Variants in MGAT4C observed in about 807,000 individuals in gnomAD.
MGAT4C encodes the protein alpha-1,3-mannosyl-glycoprotein 4-beta-N-acetylglucosaminyltransferase C.
A neutral mutation model predicts 40.1 loss-of-function variants in MGAT4C; 19 were observed. The ratio of observed to expected loss-of-function variants is 0.47; its 90% CI spans 0.33 to 0.70. The LOEUF is 0.70. Among genes scored for constraint, MGAT4C ranks in the 30% least tolerant of loss-of-function variants. The probability of loss-of-function intolerance (pLI) is 0.02; values close to 1 mark genes in which losing one functional copy is unlikely to be tolerated. For synonymous variants in MGAT4C, 181 were observed against 187.1 expected, an observed-to-expected ratio of 0.97 and a Z score of 0.27; for missense variants, 491 against 563.2, an observed-to-expected ratio of 0.87 and a Z score of 1.30.
chr12:85,974,536 C>T lies in MGAT4C; in HGVS notation c.*4753G>A, dbSNP rs779792025. 1.3e-5 allele frequency: 2 copies of T among 150,268 alleles called. No homozygotes were observed. Among genetic ancestry groups the T allele is most frequent in the Non-Finnish European group, 3.0e-5 (2 of 66,950 alleles). The allele number at this position is 150,268 out of a possible 1,614,324, so 9.3% of individuals were successfully genotyped here. A position where few individuals can be genotyped will look rare whatever the true frequency, so the allele number is the denominator to read the frequency against. ...ACATATATACACATATGTACATACA[C>T]ATATGTATATATACATACACACAGA... On this transcript the variant is annotated 3_prime_UTR_variant, in exon 5 of 5. Coordinates refer to ENST00000611864, the MANE Select transcript of MGAT4C (RefSeq NM_001351288.2).
intron 4 of MGAT4C, among the ~76,000 whole-genome samples, chr12:86,266,368 T>A (rs564849489): frequency 6.6e-6 from 1 of 152,292 alleles, no homozygotes; most frequent in African/African-American, 2.4e-5. Flanking sequence ...TTTTATCAAG[T>A]GCTTTATTTG....
chr12:86,695,167 G>A lies in MGAT4C; in HGVS notation c.-229+32042C>T, dbSNP rs1051145679. On this transcript the variant is annotated intron_variant, in intron 2 of 7. Transcript: ENST00000548651. ...AAATGGCAAACATACATATGAAAAG[G>A]TGTTTAACATCATTGATTATCAGCA... Among the ~76,000 whole-genome samples, 6 of 152,162 alleles carry A rather than the reference G, an allele frequency of 3.9e-5. No individual in the cohort carries two copies. In the South Asian group the frequency reaches 6.2e-4, roughly 16 times the overall value.
intron 1 of MGAT4C, among the ~76,000 whole-genome samples, chr12:86,766,020 T>C (rs934121656): frequency 5.9e-5 from 9 of 152,072 alleles, no homozygotes; most frequent in African/African-American, 2.2e-4. Context: ...CATAACAATA[T>C]TAACCTTAAA....
chr12:86,749,017 C>T (rs1951195709), intron 1 of MGAT4C, among the ~76,000 whole-genome samples: 2 of 150,736 alleles, frequency 1.3e-5, no homozygotes, highest in Admixed American at 1.3e-4. Flanking sequence ...TTTGTCTACC[C>T]ACTCATTCTG....
rs201504362 is a variant in MGAT4C, at chr12:86,586,667, A to C, written c.-229+140542T>G. The stretch of plus-strand genomic sequence containing the variant: ...TCTAACTGGTGTGAGATGATATCTC[A>C]TTGTGGTTTTGATTTGCATTTCTCT... On this transcript the variant is annotated intron_variant, in intron 2 of 7. Transcript: ENST00000548651. 4.3e-5 allele frequency among the ~76,000 whole-genome samples: 6 copies of C among 140,894 alleles called. No homozygotes were observed. In the East Asian group the frequency reaches 1.3e-3, roughly 30 times the overall value. The allele number at this position is 140,894 out of a possible 152,430, so 92.4% of individuals were successfully genotyped here.
In MGAT4C at chr12:86,019,622, C is replaced by T. The variant is rs143838066; in HGVS notation, c.-7+30052G>A. On this transcript the variant is annotated intron_variant, in intron 2 of 4. Coordinates refer to ENST00000611864, the MANE Select transcript of MGAT4C (RefSeq NM_001351288.2). ...AGTAGTATAGTTTGAAGTCAGGTAG[C>T]GTGATGCCTCCAGCCTTGTTCTTTT... 7.5e-3 allele frequency among the ~76,000 whole-genome samples: 1,141 copies of T among 152,202 alleles called. 9 individuals are homozygous for T. The highest frequency in any genetic ancestry group is 0.011 in the Non-Finnish European group (755 of 68,000).
At chr12:86,620,640 A>G (rs900542862) in intron 2 of MGAT4C, among the ~76,000 whole-genome samples, 5 of 152,304 alleles carry the variant, frequency 3.3e-5, no homozygotes, top group Non-Finnish European at 5.9e-5. Context: ...ATAACGCTAC[A>G]AGCCCATACT....
At chr12:86,625,363 T>A (rs910184462) in intron 2 of MGAT4C, among the ~76,000 whole-genome samples, 2 of 152,098 alleles carry the variant, frequency 1.3e-5, no homozygotes, top group African/African-American at 4.8e-5. Context: ...TAAAGAATTA[T>A]AGGAATATAT....
chr12:86,371,454 T>C (rs533306642), intron 3 of MGAT4C, among the ~76,000 whole-genome samples: 16 of 152,168 alleles, frequency 1.1e-4, no homozygotes, highest in Non-Finnish European at 1.3e-4. Context: ...ATGAAAGTGT[T>C]CAGCAATTTT....
chr12:86,795,818 C>T (rs967085440), intron 1 of MGAT4C, among the ~76,000 whole-genome samples: 17 of 151,926 alleles, frequency 1.1e-4, no homozygotes, highest in African/African-American at 3.6e-4. Flanking sequence ...ACTCCAGGAT[C>T]GCACAGTTGT....
intron 2 of MGAT4C, among the ~76,000 whole-genome samples, chr12:86,442,372 G>C (rs750030826): frequency 2.0e-5 from 3 of 152,044 alleles, no homozygotes; most frequent in Non-Finnish European, 4.4e-5. Context: ...GTCAATTTTG[G>C]CTTGTGTTGC....
chr12:86,247,765 G>A lies in MGAT4C; in HGVS notation c.-57+8474C>T, dbSNP rs1486216096. Among the ~76,000 whole-genome samples, 3 of 151,864 alleles carry A rather than the reference G, an allele frequency of 2.0e-5. No individual in the cohort carries two copies. In the East Asian group the frequency reaches 5.8e-4, roughly 29 times the overall value. The stretch of plus-strand genomic sequence containing the variant: ...AGATGAAAAGAAAGTAAATGTTGCT[G>A]GAACACACAGACCATCATGCTGGGC... On this transcript the variant is annotated intron_variant, in intron 1 of 4. Transcript: ENST00000611864.
At chr12:86,449,978 A>T (rs1770729867) in intron 2 of MGAT4C, among the ~76,000 whole-genome samples, 3 of 152,186 alleles carry the variant, frequency 2.0e-5, no homozygotes, top group African/African-American at 7.2e-5. Context: ...AATGTGTTGG[A>T]TATCACTGAA....
intron 2 of MGAT4C, among the ~76,000 whole-genome samples, chr12:86,694,373 TAA>T (rs905230235): frequency 6.6e-6 from 1 of 152,158 alleles, no homozygotes; most frequent in Non-Finnish European, 1.5e-5. Flanking sequence ...CTTTTTAAAT[TAA>T]GTTTTAATTT....
chr12:86,201,177 T>G (rs191433016), intron 1 of MGAT4C, among the ~76,000 whole-genome samples: 1 of 152,286 alleles, frequency 6.6e-6, no homozygotes, highest in East Asian at 1.9e-4. Context: ...TTTCCCCTAT[T>G]TTTTCTTCTA....
intron 3 of MGAT4C, among the ~76,000 whole-genome samples, chr12:86,371,234 C>T (rs1168291343): frequency 6.6e-6 from 1 of 151,944 alleles, no homozygotes; most frequent in Admixed American, 6.6e-5. Context: ...TATTGGTGTG[C>T]ATTGTGAAGG....
chr12:86,452,023 T>G lies in MGAT4C; in HGVS notation c.-228-16758A>C, dbSNP rs909146523. Among the ~76,000 whole-genome samples the G allele has an allele frequency of 2.0e-5, 3 of 152,186 alleles. No individual in the cohort carries two copies. In the East Asian group the frequency reaches 5.8e-4, roughly 29 times the overall value. The stretch of plus-strand genomic sequence containing the variant: ...TGGTTTTCAATCATTCGACCCCTAT[T>G]TTCTAGTAGAATCAATTATTTTTAT... On this transcript the variant is annotated intron_variant, in intron 2 of 7. Coordinates refer to the MGAT4C transcript ENST00000548651.
chr12:86,588,750 A>C (rs1019219736), intron 2 of MGAT4C, among the ~76,000 whole-genome samples: 2 of 152,060 alleles, frequency 1.3e-5, no homozygotes, highest in African/African-American at 4.8e-5. Flanking sequence ...TAAGAAACTC[A>C]CTCAAAACCG....
intron 3 of MGAT4C, among the ~76,000 whole-genome samples, chr12:86,382,233 C>T (rs897259127): frequency 2.6e-5 from 4 of 152,172 alleles, no homozygotes; most frequent in African/African-American, 9.6e-5. Context: ...AGATGAGGAA[C>T]TTGTTGGGAA....
Sources: gnomAD v4.1 joint callset for allele counts (sites outside exome capture counted in the v4.1 genomes callset) on GRCh38, gnomAD v4.1.1 for gene constraint, MANE v1.5 for transcripts, NCBI Gene and HGNC (gene_info 2026-07-23, HGNC 2026-07-21) for gene names.